The following PXK variants were observed in gnomAD, a reference collection of about 807,000 sequenced individuals.
The protein encoded by PXK is PX domain containing serine/threonine kinase like.
In PXK, 35 loss-of-function variants were observed where a neutral mutation model predicts 84.7. The ratio of observed to expected loss-of-function variants is 0.41; its 90% CI spans 0.32 to 0.55. The LOEUF (loss-of-function observed/expected upper bound fraction) is 0.55, where lower values mean the gene tolerates loss of function less well. Ranked by LOEUF, PXK falls within the 20% of genes least tolerant of loss-of-function variation. The pLI, the probability that PXK is intolerant of heterozygous loss-of-function variation, is 0.21. For synonymous variants in PXK, 253 were observed against 260.8 expected, an observed-to-expected ratio of 0.97 and a Z score of 0.29; for missense variants, 634 against 699.7, an observed-to-expected ratio of 0.91 and a Z score of 1.06.
chr3:58,403,943 A>G (rs761624725), intron 13 of PXK, 33 bp downstream of exon 13: 26 of 1,412,722 alleles, frequency 1.8e-5, no homozygotes, highest in Non-Finnish European at 2.5e-5. Context: ...TTGGTTTGTG[A>G]CATAACTAAG....
chr3:58,421,935 T>A lies in PXK; in HGVS notation c.1529-2817T>A, dbSNP rs2061940550. ...CATGGAATCGGTCTGCTCTCATATGTGGCCTGGAGATAAGGGTATTGGAGG... is the reference window on the plus strand; with the variant it reads ...CATGGAATCGGTCTGCTCTCATATGAGGCCTGGAGATAAGGGTATTGGAGG... On this transcript the variant is annotated intron_variant, in intron 17 of 17. Coordinates refer to ENST00000356151, the MANE Select transcript of PXK (RefSeq NM_017771.5). The surrounding 1 kb of genome is among the most constrained non-coding windows in gnomAD (Gnocchi z 5.5). 3 of 985,298 alleles carry A rather than the reference T, an allele frequency of 3.0e-6. No homozygotes were observed. The highest frequency in any genetic ancestry group is 1.1e-4 in the East Asian group (1 of 8,822). 61.0% of individuals were successfully genotyped at this position (985,298 alleles called of 1,614,324 possible).
At chr3:58,405,365 C>G in intron 13 of PXK, among the ~76,000 whole-genome samples, 1 of 152,050 alleles carries the variant, frequency 6.6e-6, no homozygotes, top group East Asian at 1.9e-4. Flanking sequence ...CCAGACTCCT[C>G]ATGATTTAAA....
chr3:58,421,911 A>G lies in PXK; in HGVS notation c.1529-2841A>G. On this transcript the variant is annotated intron_variant, in intron 17 of 17. Coordinates refer to ENST00000356151, the MANE Select transcript of PXK (RefSeq NM_017771.5). This position sits in a 1 kb window ranked among gnomAD's most constrained non-coding sequence, Gnocchi z 5.5. ...CAAATTCAGGTATCATAAGTCTAAC[A>G]TGGAATCGGTCTGCTCTCATATGTG... 3.0e-6 allele frequency: 3 copies of G among 985,396 alleles called. No homozygotes were observed. The highest frequency in any genetic ancestry group is 3.6e-6 in the Non-Finnish European group (3 of 829,926). The allele number at this position is 985,396 out of a possible 1,614,324, so 61.0% of individuals were successfully genotyped here.
intron 17 of PXK, among the ~76,000 whole-genome samples, chr3:58,419,210 A>AT (rs750808994): frequency 2.6e-5 from 4 of 152,218 alleles, no homozygotes; most frequent in Admixed American, 6.5e-5. Context: ...TCTCTCTGGA[A>AT]TGGGGGTCTT....
At chr3:58,371,801 A>C (rs2098376205) in intron 3 of PXK, among the ~76,000 whole-genome samples, 1 of 152,206 alleles carries the variant, frequency 6.6e-6, no homozygotes, top group African/African-American at 2.4e-5. Flanking sequence ...ATGTTGGCTT[A>C]TGTTGGGCAG....
At chr3:58,413,105 T>C in intron 17 of PXK, 142 bp downstream of exon 17, 1 of 864,940 alleles carries the variant, frequency 1.2e-6, no homozygotes, top group Non-Finnish European at 1.9e-6. Flanking sequence ...GAGTGCAAAT[T>C]AGCAGTGTCA....
intron 4 of PXK, among the ~76,000 whole-genome samples, chr3:58,387,446 A>G (rs919652252): frequency 4.6e-5 from 7 of 152,036 alleles, no homozygotes; most frequent in Admixed American, 3.9e-4. Flanking sequence ...CCCAGTTCCT[A>G]CTCCATGACA....
intron 1 of PXK, among the ~76,000 whole-genome samples, chr3:58,356,270 G>A (rs1349783589): frequency 6.6e-6 from 1 of 152,144 alleles, no homozygotes; most frequent in Admixed American, 6.5e-5. Context: ...GAAAGGAGTG[G>A]GCCCTTTGGG....
intron 2 of PXK, among the ~76,000 whole-genome samples, chr3:58,366,202 A>C (rs1481762233): frequency 6.6e-6 from 1 of 152,102 alleles, no homozygotes; most frequent in Non-Finnish European, 1.5e-5. Context: ...TATGCAAATT[A>C]CTTGTTTTCT....
intron 3 of PXK, among the ~76,000 whole-genome samples, chr3:58,376,406 ACT>A (rs1190188158): frequency 6.6e-6 from 1 of 152,000 alleles, no homozygotes; most frequent in African/African-American, 2.4e-5. Flanking sequence ...CAAGAGCGAA[ACT>A]CTGTCTAAAA....
intron 3 of PXK, among the ~76,000 whole-genome samples, chr3:58,374,358 A>AG (rs2098419474): frequency 6.6e-6 from 1 of 151,930 alleles, no homozygotes; most frequent in Admixed American, 6.6e-5. Flanking sequence ...TCTTCAGTAG[A>AG]GATGGGGGTT....
intron 17 of PXK, among the ~76,000 whole-genome samples, chr3:58,418,868 C>T (rs1158529576): frequency 6.6e-6 from 1 of 152,122 alleles, no homozygotes; most frequent in African/African-American, 2.4e-5. Flanking sequence ...TGTGGGAGCC[C>T]GCCCTCTGAA....
rs565840036 is a variant in PXK, at chr3:58,343,032, T to C, written c.102+9942T>C. On this transcript the variant is annotated intron_variant, in intron 1 of 17. Transcript: ENST00000356151. ...GTGCTCATCAGAAATAGGTCATTTCTCCTCATTAATTCAGTTGAGGCTTTT... is the reference window on the plus strand; with the variant it reads ...GTGCTCATCAGAAATAGGTCATTTCCCCTCATTAATTCAGTTGAGGCTTTT... Among the ~76,000 whole-genome samples, 3 of 152,344 alleles carry C rather than the reference T, an allele frequency of 2.0e-5. No individual in the cohort carries two copies. The East Asian group carries it at 5.8e-4, about 29-fold the overall frequency.
At chr3:58,344,524 C>T (rs577369122) in intron 1 of PXK, among the ~76,000 whole-genome samples, 8 of 152,158 alleles carry the variant, frequency 5.3e-5, no homozygotes, top group East Asian at 1.9e-4. Flanking sequence ...TCAGTGGTGA[C>T]GGAAAAGACA....
At chr3:58,420,467 T>C (rs1040724642) in intron 17 of PXK, 1 of 1,505,500 alleles carries the variant, frequency 6.6e-7, no homozygotes. Flanking sequence ...TACTATTTGA[T>C]TAAATGACAC....
intron 1 of PXK, among the ~76,000 whole-genome samples, chr3:58,359,936 C>A (rs1559919397): frequency 6.6e-6 from 1 of 152,110 alleles, no homozygotes; most frequent in Non-Finnish European, 1.5e-5. Flanking sequence ...TTGCTGGAGG[C>A]CAGGAGTTCG....
chr3:58,395,779 A>C lies in PXK; in HGVS notation c.822+20A>C, dbSNP rs1379793420. On this transcript the variant is annotated intron_variant, in intron 9 of 17. Coordinates refer to ENST00000356151, the MANE Select transcript of PXK (RefSeq NM_017771.5). ...TTAGAGGTAAGAGGTACTTTTGTTT[A>C]AGTTGCATTCAGATTTCATCCAAAA... The C allele has an allele frequency of 4.5e-6, 7 of 1,570,428 alleles. No homozygotes were observed. Among genetic ancestry groups the C allele is most frequent in the Non-Finnish European group, 4.4e-6 (5 of 1,145,706 alleles).
chr3:58,358,538 G>A lies in PXK; in HGVS notation c.103-7336G>A, dbSNP rs571503561. ...ACTCCCACTCCATCCTGTATCCCAA[G>A]CCTCCATGGGCTGGTGTGACCTCTT... is the stretch of plus-strand genomic sequence containing the variant. On this transcript the variant is annotated intron_variant, in intron 1 of 17. Coordinates refer to ENST00000356151, the MANE Select transcript of PXK (RefSeq NM_017771.5). Among the ~76,000 whole-genome samples the A allele has an allele frequency of 3.3e-5, 5 of 152,304 alleles. No individual in the cohort carries two copies. The East Asian group carries it at 9.6e-4, about 29-fold the overall frequency.
chr3:58,333,015 C>A lies in PXK; in HGVS notation c.27C>A (p.Ala9=). The A allele has an allele frequency of 7.3e-7, 1 of 1,369,288 alleles. No homozygotes were observed. Among genetic ancestry groups the A allele is most frequent in the Non-Finnish European group, 9.5e-7 (1 of 1,048,432 alleles). 84.8% of individuals were successfully genotyped at this position (1,369,288 alleles called of 1,614,324 possible). The change falls in exon 1 of 18, where the codon GCC becomes GCA. Residue 9 remains alanine (A), a synonymous_variant. Transcript: ENST00000356151. The surrounding 1 kb of genome is among the most constrained non-coding windows in gnomAD (Gnocchi z 5.4). ...TGGCCTTCATGGAGAAGCCGCCAGC[C>A]GGCAAGGTGCTGCTGGACGACACGG... is the stretch of plus-strand genomic sequence containing the variant. The part of the protein sequence containing the change: MAFMEKPP[A]GKVLLDDTVP...
Sources: allele counts gnomAD v4.1 joint callset (sites outside exome capture counted in the v4.1 genomes callset), GRCh38; gene constraint gnomAD v4.1.1; non-coding constraint Gnocchi (gnomAD v3.1); transcripts MANE v1.5; gene names NCBI Gene and HGNC (gene_info 2026-07-23, HGNC 2026-07-21).